The following YKT6 variants were observed in gnomAD, a reference collection of about 807,000 sequenced individuals.
The protein encoded by YKT6 is YKT6 vesicular SNARE protein.
Under a neutral mutation model 29.3 loss-of-function variants are expected in YKT6, and 12 were observed. That is an observed-to-expected ratio of 0.41 (90% CI 0.26 to 0.66). YKT6 has a LOEUF of 0.66. Ranked by LOEUF, YKT6 falls within the 30% of genes least tolerant of loss-of-function variation. The pLI is 0.32. For missense variants in YKT6, 188 were observed against 243.8 expected (o/e 0.77, Z 1.52); for synonymous variants, 86 against 94.3 (o/e 0.91, Z 0.51).
At chr7:44,201,287 G>C (rs1308337472) in intron 1 of YKT6, 48 bp downstream of exon 1, 2 of 1,564,486 alleles carry the variant, frequency 1.3e-6, no homozygotes, top group Non-Finnish European at 1.7e-6. Flanking sequence ...GGAGAGGACT[G>C]GGGTGGGGGT....
At chr7:44,206,075 A>G (rs2096340482) in intron 2 of YKT6, among the ~76,000 whole-genome samples, 2 of 152,196 alleles carry the variant, frequency 1.3e-5, no homozygotes, top group South Asian at 4.1e-4. Flanking sequence ...CTTAAGGAAT[A>G]CACTTGGAAA....
Position 44,204,569 on chromosome 7 carries a change from G to A in YKT6, c.106G>A (p.Val36Ile), listed in dbSNP as rs374571498. ...ATAAATACATTTTGTGTTTCTTAGC[G>A]TTCAGGAATTCATGACCTTCACGAG... ...SSFSFFQRSS[V>I]QEFMTFTSQL... The change falls in exon 2 of 7, where the codon GTT (valine) becomes ATT (isoleucine). Residue 36 changes from valine (V) to isoleucine (I), a missense_variant and splice_region_variant. By Grantham distance (29) the Val-to-Ile change is conservative. Coordinates refer to ENST00000223369, the MANE Select transcript of YKT6 (RefSeq NM_006555.4). The A allele has an allele frequency of 7.4e-6, 12 of 1,614,000 alleles. No individual in the cohort carries two copies. The highest frequency in any genetic ancestry group is 4.0e-5 in the African/African-American group (3 of 74,932).
At chr7:44,211,207 G>C in intron 6 of YKT6, 83 bp downstream of exon 6, 1 of 1,223,436 alleles carries the variant, frequency 8.2e-7, no homozygotes, top group Non-Finnish European at 1.2e-6. Flanking sequence ...TCTCCACTAT[G>C]AACGGGTCTT....
chr7:44,210,672 A>G (rs1181724891), intron 5 of YKT6: 3 of 346,388 alleles, frequency 8.7e-6, no homozygotes, highest in Non-Finnish European at 1.7e-5. Flanking sequence ...GCACACGCAC[A>G]TGTGCGTGCA....
chr7:44,208,076 T>C, intron 4 of YKT6, 57 bp from the exon 5 acceptor site: 2 of 1,578,468 alleles, frequency 1.3e-6, no homozygotes, highest in South Asian at 2.3e-5. Context: ...CAGTTTTAGG[T>C]TTTGTTTGCA....
At chr7:44,203,977 T>C (rs550055955) in intron 1 of YKT6, among the ~76,000 whole-genome samples, 1 of 152,322 alleles carries the variant, frequency 6.6e-6, no homozygotes, top group Admixed American at 6.5e-5. Flanking sequence ...TTTCACCCTT[T>C]GTATGAGCCA....
At position 44,212,375 on chromosome 7, in the gene YKT6, G is replaced by C; in HGVS notation, c.*93G>C. 6.6e-7 allele frequency: 1 copy of C among 1,526,504 alleles called. No homozygotes were observed. Among genetic ancestry groups the C allele is most frequent in the Non-Finnish European group, 9.0e-7 (1 of 1,112,304 alleles). 94.6% of individuals were successfully genotyped at this position (1,526,504 alleles called of 1,614,324 possible). A position where few individuals can be genotyped will look rare whatever the true frequency, so the allele number is the denominator to read the frequency against. On this transcript the variant is annotated 3_prime_UTR_variant, in exon 7 of 7. Coordinates refer to ENST00000223369, the MANE Select transcript of YKT6 (RefSeq NM_006555.4). ...AAGAAGAGACAGCCATAGACGAGGAGCCAGAGTGGGGGCAGACTGGCCATT... is the reference window on the plus strand; with the variant it reads ...AAGAAGAGACAGCCATAGACGAGGACCCAGAGTGGGGGCAGACTGGCCATT...
chr7:44,211,551 C>T, intron 6 of YKT6: 2 of 1,013,114 alleles, frequency 2.0e-6, no homozygotes, highest in Non-Finnish European at 2.4e-6. Flanking sequence ...TTCCCTTTGA[C>T]AGAAAATATT....
intron 5 of YKT6, 137 bp from the exon 6 acceptor site, chr7:44,210,886 C>T (rs766323562): frequency 1.1e-5 from 9 of 791,822 alleles, no homozygotes; most frequent in Middle Eastern, 2.3e-4. Flanking sequence ...TGGACCGAGT[C>T]TCGACACCTA....
At chr7:44,206,956 G>T (rs1043035010) in intron 3 of YKT6, among the ~76,000 whole-genome samples, 5 of 152,144 alleles carry the variant, frequency 3.3e-5, no homozygotes, top group African/African-American at 1.2e-4. Flanking sequence ...GAAGTCAGAG[G>T]CTTCATCCTA....
intron 2 of YKT6, among the ~76,000 whole-genome samples, 171 bp from the exon 3 acceptor site, chr7:44,206,214 G>A (rs2096340668): frequency 6.6e-6 from 1 of 152,238 alleles, no homozygotes; most frequent in Admixed American, 6.5e-5. Context: ...AAGCTCCTGT[G>A]TGTGGCCCAT....
intron 5 of YKT6, among the ~76,000 whole-genome samples, chr7:44,210,432 C>T (rs960080263): frequency 4.6e-5 from 7 of 152,276 alleles, no homozygotes; most frequent in South Asian, 4.1e-4. Flanking sequence ...TGTGTGTTTC[C>T]GTTTCTTACC....
chr7:44,206,348 T>G (rs754377586), intron 2 of YKT6, 37 bp from the exon 3 acceptor site: 2 of 1,601,996 alleles, frequency 1.2e-6, no homozygotes, highest in Non-Finnish European at 1.7e-6. Flanking sequence ...GAAGCCCTCA[T>G]GTCAGCATCC....
chr7:44,203,397 G>A (rs1397128989), intron 1 of YKT6, among the ~76,000 whole-genome samples: 2 of 152,188 alleles, frequency 1.3e-5, no homozygotes, highest in African/African-American at 4.8e-5. Context: ...TCCGGCCTGA[G>A]CTTGTTTTCT....
At chr7:44,208,224 C>T (rs748277471) in intron 5 of YKT6, 26 bp downstream of exon 5, 7 of 1,612,970 alleles carry the variant, frequency 4.3e-6, no homozygotes, top group Non-Finnish European at 5.1e-6. Flanking sequence ...GAGAGCAAGC[C>T]CAAGAACTGA....
Position 44,207,989 on chromosome 7 carries a change from G to T in YKT6, c.394-144G>T. 5.2e-6 allele frequency: 4 copies of T among 775,430 alleles called. No individual in the cohort carries two copies. In the South Asian group the frequency reaches 6.7e-5, roughly 13 times the overall value. The allele number at this position is 775,430 out of a possible 1,614,324, so 48.0% of individuals were successfully genotyped here. Reference sequence around the variant, plus strand: ...TCCACCCGCCTCATCCTCCCAAAATGCTGGGATTACAGGCGTGAGCCACTG... The same window carrying T: ...TCCACCCGCCTCATCCTCCCAAAATTCTGGGATTACAGGCGTGAGCCACTG... On this transcript the variant is annotated intron_variant, in intron 4 of 6. Transcript: ENST00000223369.
rs1017196377 is a variant in YKT6, at chr7:44,212,299, C to T, written c.*17C>T. On this transcript the variant is annotated 3_prime_UTR_variant, in exon 7 of 7. Coordinates refer to ENST00000223369, the MANE Select transcript of YKT6 (RefSeq NM_006555.4). Reference sequence around the variant, plus strand: ...ATCATGTGATGCAGCCTGCCAGAGGCCCAATGCTGGAATGGCACCATCATT... The same window carrying T: ...ATCATGTGATGCAGCCTGCCAGAGGTCCAATGCTGGAATGGCACCATCATT... 6.2e-7 allele frequency: 1 copy of T among 1,613,492 alleles called. No homozygotes were observed. The highest frequency in any genetic ancestry group is 1.7e-4 in the Middle Eastern group (1 of 6,054).
At chr7:44,209,438 TCTC>T (rs2096344359) in intron 5 of YKT6, among the ~76,000 whole-genome samples, 1 of 152,196 alleles carries the variant, frequency 6.6e-6, no homozygotes, top group Non-Finnish European at 1.5e-5. Context: ...TTCTCCGTTT[TCTC>T]CTCAAGCCAT....
At chr7:44,207,163 T>G (rs1464031076) in intron 3 of YKT6, among the ~76,000 whole-genome samples, 1 of 152,218 alleles carries the variant, frequency 6.6e-6, no homozygotes, top group Non-Finnish European at 1.5e-5. Flanking sequence ...TGGGCATACT[T>G]TTGATTCTCA....
Sources: allele counts gnomAD v4.1 joint callset (sites outside exome capture counted in the v4.1 genomes callset), GRCh38; gene constraint gnomAD v4.1.1; transcripts MANE v1.5; gene names NCBI Gene and HGNC (gene_info 2026-07-23, HGNC 2026-07-21).